SVOPL: variants seen among roughly 807,000 people sequenced by gnomAD.
The protein encoded by SVOPL is SVOP like.
A neutral mutation model predicts 61.0 loss-of-function variants in SVOPL; 60 were observed. The observed-to-expected ratio is 0.98, with a 90% CI of 0.80 to 1.22. The LOEUF is 1.22. Ranked by LOEUF, SVOPL falls within the 50% of genes most tolerant of loss-of-function variation. The pLI, the probability that SVOPL is intolerant of heterozygous loss-of-function variation, is 0.00. For synonymous variants in SVOPL, 279 were observed against 250.0 expected, an observed-to-expected ratio of 1.12 and a Z score of -1.09; for missense variants, 662 against 643.9, an observed-to-expected ratio of 1.03 and a Z score of -0.30.
chr7:138,677,823 C>A (rs1450141471), intron 3 of SVOPL, among the ~76,000 whole-genome samples: 2 of 146,666 alleles, frequency 1.4e-5, no homozygotes, highest in African/African-American at 5.1e-5. Context: ...AGTGCAGTGG[C>A]GCGATCTCAG....
At chr7:138,626,272 C>G (rs1346187322) in intron 12 of SVOPL, among the ~76,000 whole-genome samples, 1 of 152,196 alleles carries the variant, frequency 6.6e-6, no homozygotes, top group Admixed American at 6.5e-5. Flanking sequence ...TGCCATTCAC[C>G]CTGGCCCCTC....
intron 14 of SVOPL, among the ~76,000 whole-genome samples, chr7:138,608,690 T>TC (rs113367572): frequency 1.3e-4 from 20 of 150,312 alleles, no homozygotes; most frequent in African/African-American, 2.7e-4. Flanking sequence ...AAGTGTACAC[T>TC]CCCCCCCCTT....
intron 4 of SVOPL, among the ~76,000 whole-genome samples, chr7:138,665,483 G>C (rs555866675): frequency 6.6e-6 from 1 of 152,128 alleles, no homozygotes; most frequent in Non-Finnish European, 1.5e-5. Flanking sequence ...TGCTTAGAGA[G>C]AAGTCTTCTG....
intron 4 of SVOPL, among the ~76,000 whole-genome samples, chr7:138,666,445 A>G (rs1802264996): frequency 6.6e-6 from 1 of 152,214 alleles, no homozygotes. Context: ...ACCAAAATAG[A>G]CACCCCTTTA....
intron 14 of SVOPL, among the ~76,000 whole-genome samples, chr7:138,598,206 CTCT>C (rs1798361471): frequency 6.6e-6 from 1 of 152,092 alleles, no homozygotes; most frequent in Non-Finnish European, 1.5e-5. Flanking sequence ...TGTTGTTAAT[CTCT>C]TCTTCTAAAA....
In SVOPL at chr7:138,628,288, A is replaced by C. The variant is rs769806461; in HGVS notation, c.939T>G (p.Gly313=). 1.2e-6 allele frequency: 2 copies of C among 1,614,150 alleles called. No individual in the cohort carries two copies. Among genetic ancestry groups the C allele is most frequent in the South Asian group, 2.2e-5 (2 of 91,082 alleles). The change falls in exon 11 of 16, where the codon GGT becomes GGG. Residue 313 remains glycine (G), a synonymous_variant. Coordinates refer to ENST00000674285, the MANE Select transcript of SVOPL (RefSeq NM_001139456.2). ...AELLERDLVC[G]SKSDSAVVVT... ...CCACCACCGCAGAGTCTGACTTTGA[A>C]CCACAGACCAAGTCCCGCTCCAGCA...
At chr7:138,700,715 T>A (rs73166908) in intron 1 of SVOPL, among the ~76,000 whole-genome samples, 15 of 151,104 alleles carry the variant, frequency 9.9e-5, no homozygotes, top group African/African-American at 3.2e-4. Context: ...GATGGATGGA[T>A]GGCAGATGGA....
chr7:138,699,396 C>A (rs747554140), intron 1 of SVOPL, among the ~76,000 whole-genome samples: 3 of 152,150 alleles, frequency 2.0e-5, no homozygotes, highest in Non-Finnish European at 4.4e-5. Flanking sequence ...TGCTAATATT[C>A]TGCTAATATT....
rs141363523 is a variant in SVOPL, at chr7:138,627,394, T to C, written c.1137A>G (p.Gly379=). Residue 379 remains glycine (G), a synonymous_variant, in exon 12 of 16, where the codon GGA becomes GGG. Transcript: ENST00000674285. ...GRRLSLSITM[G]CTALFFLLLN... Reference sequence around the variant, plus strand: ...GGAGAAGGAAGAATAAAGCCGTGCATCCCATGGTAATAGAAAGGCTCAGCC... The same window carrying C: ...GGAGAAGGAAGAATAAAGCCGTGCACCCCATGGTAATAGAAAGGCTCAGCC... 3 of 1,613,634 alleles carry C rather than the reference T, an allele frequency of 1.9e-6. No individual in the cohort carries two copies. The highest frequency in any genetic ancestry group is 2.7e-5 in the African/African-American group (2 of 74,912).
At chr7:138,612,447 T>TAAAAAAAAAAAAAAAAA (rs59229265) in intron 14 of SVOPL, among the ~76,000 whole-genome samples, 1 of 22,298 alleles carries the variant, frequency 4.5e-5, no homozygotes, top group Admixed American at 4.6e-4. Flanking sequence ...AAAAAAAAAA[T>TAAAAAAAAAAAAAAAAA]AAAAAAAAAA....
intron 8 of SVOPL, 84 bp downstream of exon 8, chr7:138,648,928 G>A (rs1448099333): frequency 2.5e-6 from 4 of 1,585,604 alleles, no homozygotes; most frequent in African/African-American, 1.4e-5. Context: ...TCTCGAGGGG[G>A]AAAATAAAAG....
chr7:138,689,893 G>T (rs997820499), intron 1 of SVOPL, among the ~76,000 whole-genome samples: 6 of 151,910 alleles, frequency 3.9e-5, no homozygotes, highest in African/African-American at 1.4e-4. Context: ...ATACTTGAGT[G>T]GAGTGGGAGT....
chr7:138,658,699 C>T (rs1801862593), intron 6 of SVOPL, among the ~76,000 whole-genome samples: 1 of 152,178 alleles, frequency 6.6e-6, no homozygotes, highest in Admixed American at 6.5e-5. Flanking sequence ...ATCTAGCACT[C>T]TGCTAGCCTC....
At chr7:138,635,944 CA>C (rs2116952084) in intron 9 of SVOPL, among the ~76,000 whole-genome samples, 1 of 152,188 alleles carries the variant, frequency 6.6e-6, no homozygotes, top group East Asian at 1.9e-4. Flanking sequence ...AATATATATA[CA>C]TTTTTTTGAA....
intron 4 of SVOPL, among the ~76,000 whole-genome samples, chr7:138,665,546 T>C (rs1002571302): frequency 7.2e-5 from 11 of 152,084 alleles, no homozygotes; most frequent in South Asian, 2.1e-4. Context: ...GGAGCCTCTG[T>C]AGGCACCTTA....
chr7:138,631,960 T>TCACACACACACACACACACA (rs756332176), intron 9 of SVOPL, among the ~76,000 whole-genome samples: 3,524 of 146,880 alleles, frequency 0.024, 63 homozygotes, highest in East Asian at 0.043. Context: ...TGCTCTGATA[T>TCACACACACACACACACACA]CACACACACA....
At chr7:138,690,192 G>A (rs955265082) in intron 1 of SVOPL, among the ~76,000 whole-genome samples, 5 of 152,170 alleles carry the variant, frequency 3.3e-5, no homozygotes, top group African/African-American at 1.2e-4. Context: ...TCCGTGTATG[G>A]TACTTTGTTA....
Position 138,628,217 on chromosome 7 carries a change from T to G in SVOPL, c.1010A>C (p.His337Pro), listed in dbSNP as rs1237301858. Residue 337 changes from histidine (H) to proline (P), a missense_variant, in exon 11 of 16, where the codon CAC becomes CCC. Transcript: ENST00000674285. Reference sequence around the variant, plus strand: ...CCGATAGTCAGAGGGTGCAAACATGTGGCAGTAGCAGGGGCTCTGGCTCTC... The same window carrying G: ...CCGATAGTCAGAGGGTGCAAACATGGGGCAGTAGCAGGGGCTCTGGCTCTC... ...SGESQSPCYC[H>P]MFAPSDYRTM... The G allele has an allele frequency of 2.8e-5, 46 of 1,614,152 alleles. No homozygotes were observed. Among genetic ancestry groups the G allele is most frequent in the Non-Finnish European group, 3.9e-5 (46 of 1,180,030 alleles).
At chr7:138,651,609 A>G (rs1801436570) in intron 7 of SVOPL, among the ~76,000 whole-genome samples, 1 of 152,142 alleles carries the variant, frequency 6.6e-6, no homozygotes, top group Admixed American at 6.6e-5. Context: ...GCAATATTTC[A>G]AACTTTATCA....
Sources: gnomAD v4.1 joint callset for allele counts (sites outside exome capture counted in the v4.1 genomes callset) on GRCh38, gnomAD v4.1.1 for gene constraint, MANE v1.5 for transcripts, NCBI Gene and HGNC (gene_info 2026-07-23, HGNC 2026-07-21) for gene names.